Variants in RAD51D observed in about 807,000 individuals in gnomAD.
The protein encoded by RAD51D is RAD51 paralog D, also known as DNA repair protein RAD51 homolog 4.
A neutral mutation model predicts 44.1 loss-of-function variants in RAD51D; 38 were observed. That is an observed-to-expected ratio of 0.86 (90% confidence interval 0.67 to 1.13). The LOEUF (loss-of-function observed/expected upper bound fraction) is 1.13, where lower values mean the gene tolerates loss of function less well. Ranked by LOEUF, RAD51D falls within the 50% of genes most tolerant of loss-of-function variation. The pLI, the probability that RAD51D is intolerant of heterozygous loss-of-function variation, is 0.00. For missense variants in RAD51D, 390 were observed against 414.0 expected, an observed-to-expected ratio of 0.94 and a Z score of 0.50; for synonymous variants, 141 against 166.6, an observed-to-expected ratio of 0.85 and a Z score of 1.18.
At position 35,107,030 on chromosome 17, in the gene RAD51D, G is replaced by T. The variant is rs145452047; in HGVS notation, c.438C>A (p.Leu146=). 1 of 1,614,038 alleles carries T rather than the reference G, an allele frequency of 6.2e-7. No individual in the cohort carries two copies. Among genetic ancestry groups the T allele is most frequent in the Admixed American group, 1.7e-5 (1 of 60,000 alleles). The change falls in exon 5 of 10, where the codon CTC becomes CTA. Residue 146 remains leucine (L), a synonymous_variant. Transcript: ENST00000345365. ...GGGTTTTAGCCTGAAGCAGCTGGAG[G>T]AGGCGGGAAGCTGTCAGCCCTCCAT... ...DSNGGLTASR[L]LQLLQAKTQD...
At chr17:35,115,370 T>A (rs1246817941) in intron 3 of RAD51D, 7 of 483,252 alleles carry the variant, frequency 1.4e-5, no homozygotes, top group Non-Finnish European at 2.5e-5. Flanking sequence ...ATCTCCCTCA[T>A]CAACATAGCT....
In RAD51D at chr17:35,093,847, C is replaced by G. The variant is rs1289147612; in HGVS notation, c.*7106G>C. 1 of 152,324 alleles carries G rather than the reference C, an allele frequency of 6.6e-6. No homozygotes were observed. Among genetic ancestry groups the G allele is most frequent in the African/African-American group, 2.4e-5 (1 of 41,556 alleles). The allele number at this position is 152,324 out of a possible 1,614,324, so 9.4% of individuals were successfully genotyped here. On this transcript the variant is annotated 3_prime_UTR_variant, in exon 10 of 10. Transcript: ENST00000345365. ...TAACTCTAATTTAAGGTCTATGCATCACAGAGCCTTCTCCAATGCCAAACC... is the reference window on the plus strand; with the variant it reads ...TAACTCTAATTTAAGGTCTATGCATGACAGAGCCTTCTCCAATGCCAAACC...
In RAD51D at chr17:35,096,207, T is replaced by C. The variant is rs1475353040; in HGVS notation, c.*4746A>G. The C allele has an allele frequency of 6.6e-6, 1 of 152,210 alleles. No homozygotes were observed. Among genetic ancestry groups the C allele is most frequent in the East Asian group, 1.9e-4 (1 of 5,194 alleles). The allele number at this position is 152,210 out of a possible 1,614,324, so 9.4% of individuals were successfully genotyped here. On this transcript the variant is annotated 3_prime_UTR_variant, in exon 10 of 10. Coordinates refer to ENST00000345365, the MANE Select transcript of RAD51D (RefSeq NM_002878.4). ...CACCTTGTTTTCTTAATTTTTATTA[T>C]TTTATTTTATAGAGATAGGGTCTTG...
In RAD51D at chr17:35,100,471, G is replaced by A. The variant is rs1361505195; in HGVS notation, c.*482C>T. 1.9e-6 allele frequency: 1 copy of A among 535,548 alleles called. No individual in the cohort carries two copies. The highest frequency in any genetic ancestry group is 3.6e-6 in the Non-Finnish European group (1 of 277,208). 33.2% of individuals were successfully genotyped at this position (535,548 alleles called of 1,614,324 possible). ...AAGCTTATTTCCACCCAGTAACTCA[G>A]AGACAGAGCTAAGGAAGAGTGGGCC... On this transcript the variant is annotated 3_prime_UTR_variant, in exon 10 of 10. Transcript: ENST00000345365.
chr17:35,111,049 C>T lies in RAD51D; in HGVS notation c.264-3602G>A, dbSNP rs989032622. ...CCGGGAGGCGGGGGTTGCAGTGAGC[C>T]GAGATCACGCCATTGCACTCCAGTC... On this transcript the variant is annotated intron_variant, in intron 3 of 9. Coordinates refer to ENST00000345365, the MANE Select transcript of RAD51D (RefSeq NM_002878.4). Among the ~76,000 whole-genome samples, 9 of 151,164 alleles carry T rather than the reference C, an allele frequency of 6.0e-5. No homozygotes were observed. In the South Asian group the frequency reaches 1.0e-3, roughly 18 times the overall value.
intron 3 of RAD51D, among the ~76,000 whole-genome samples, chr17:35,110,743 G>A (rs754187232): frequency 2.6e-5 from 4 of 152,172 alleles, no homozygotes; most frequent in East Asian, 1.9e-4. Context: ...AGGCTGAGGC[G>A]GGAGCATTGC....
intron 3 of RAD51D, among the ~76,000 whole-genome samples, chr17:35,114,235 G>A (rs900280475): frequency 6.6e-6 from 1 of 152,006 alleles, no homozygotes; most frequent in Non-Finnish European, 1.5e-5. Flanking sequence ...TCGCGCCACT[G>A]CACCCCAGCC....
intron 3 of RAD51D, among the ~76,000 whole-genome samples, chr17:35,114,918 C>A (rs1358018713): frequency 6.6e-6 from 1 of 151,630 alleles, no homozygotes; most frequent in African/African-American, 2.4e-5. Flanking sequence ...ATGATTCTAA[C>A]GTGCAGCTGG....
At chr17:35,102,643 A>T (rs1334586397) in intron 8 of RAD51D, among the ~76,000 whole-genome samples, 1 of 151,640 alleles carries the variant, frequency 6.6e-6, no homozygotes, top group African/African-American at 2.4e-5. Flanking sequence ...GAAAAAAAAA[A>T]GAAAGAAAGA....
chr17:35,118,978 G>C, intron 2 of RAD51D, 133 bp downstream of exon 2: 4 of 808,242 alleles, frequency 4.9e-6, no homozygotes, highest in Non-Finnish European at 8.6e-6. Flanking sequence ...CCTGACTTCT[G>C]ACTCCAAGTG....
In RAD51D at chr17:35,097,731, A is replaced by C. The variant is rs1333629543; in HGVS notation, c.*3222T>G. 2.6e-5 allele frequency: 4 copies of C among 152,154 alleles called. No individual in the cohort carries two copies. The East Asian group carries it at 7.7e-4, about 29-fold the overall frequency. The allele number at this position is 152,154 out of a possible 1,614,324, so 9.4% of individuals were successfully genotyped here. A position where few individuals can be genotyped will look rare whatever the true frequency, so the allele number is the denominator to read the frequency against. ...ATTACTGAGCTTCCATAATGTATAA[A>C]GAGAAAAAGTGACAAAAAGTGGGAG... On this transcript the variant is annotated 3_prime_UTR_variant, in exon 10 of 10. Transcript: ENST00000345365.
rs1281732476 is a variant in RAD51D, at chr17:35,100,036, A to G, written c.*917T>C. ...GCCATGTATTATTTACGTCAGCATC[A>G]ATTTTCCCAGCTGGCTCTATTTACT... On this transcript the variant is annotated 3_prime_UTR_variant, in exon 10 of 10. Transcript: ENST00000345365. The G allele has an allele frequency of 3.8e-6, 2 of 531,936 alleles. No homozygotes were observed. The highest frequency in any genetic ancestry group is 3.7e-5 in the African/African-American group (2 of 53,696). The allele number at this position is 531,936 out of a possible 1,614,324, so 33.0% of individuals were successfully genotyped here.
chr17:35,118,512 A>C lies in RAD51D; in HGVS notation c.252T>G (p.Thr84=). 6.2e-7 allele frequency: 1 copy of C among 1,613,726 alleles called. No homozygotes were observed. The highest frequency in any genetic ancestry group is 8.5e-7 in the Non-Finnish European group (1 of 1,179,686). The change falls in exon 3 of 10, where the codon ACT becomes ACG. Residue 84 remains threonine (T), a synonymous_variant. Coordinates refer to ENST00000345365, the MANE Select transcript of RAD51D (RefSeq NM_002878.4). ...GTACACACACAAACCTGCCAATGCC[A>C]GTGGACAGGATGGCAGTGGAGGTCT... ...ELKTSTAILS[T]GIGSLDKLLD...
Position 35,099,631 on chromosome 17 carries a change from C to T in RAD51D, c.*1322G>A, listed in dbSNP as rs556013728. On this transcript the variant is annotated 3_prime_UTR_variant, in exon 10 of 10. Coordinates refer to ENST00000345365, the MANE Select transcript of RAD51D (RefSeq NM_002878.4). Reference sequence around the variant, plus strand: ...CCTTCCCAATCCTCCATGATTCTATCCCTGTTGCATTCATCACCTCTAAAT... The same window carrying T: ...CCTTCCCAATCCTCCATGATTCTATTCCTGTTGCATTCATCACCTCTAAAT... The T allele has an allele frequency of 2.7e-6, 1 of 368,660 alleles. No individual in the cohort carries two copies. The highest frequency in any genetic ancestry group is 2.2e-5 in the South Asian group (1 of 45,516). The allele number at this position is 368,660 out of a possible 1,614,324, so 22.8% of individuals were successfully genotyped here. A position where few individuals can be genotyped will look rare whatever the true frequency, so the allele number is the denominator to read the frequency against.
intron 2 of RAD51D, 114 bp downstream of exon 2, chr17:35,118,997 G>T (rs551265480): frequency 2.1e-6 from 2 of 973,488 alleles, no homozygotes; most frequent in Non-Finnish European, 3.3e-6. Flanking sequence ...TGACCCACCC[G>T]CCTCGGCCTC....
At position 35,094,184 on chromosome 17, in the gene RAD51D, T is replaced by G. The variant is rs1393404277; in HGVS notation, c.*6769A>C. On this transcript the variant is annotated 3_prime_UTR_variant, in exon 10 of 10. Coordinates refer to ENST00000345365, the MANE Select transcript of RAD51D (RefSeq NM_002878.4). ...TAGTGTGATCTTGGCTCACTGCAAC[T>G]TCCACCACCCGGGTTCAAGCGATTC... The G allele has an allele frequency of 6.6e-6, 1 of 152,150 alleles. No individual in the cohort carries two copies. The highest frequency in any genetic ancestry group is 2.4e-5 in the African/African-American group (1 of 41,406). 9.4% of individuals were successfully genotyped at this position (152,150 alleles called of 1,614,324 possible). A position where few individuals can be genotyped will look rare whatever the true frequency, so the allele number is the denominator to read the frequency against.
chr17:35,111,356 A>G (rs1277847591), intron 3 of RAD51D, among the ~76,000 whole-genome samples: 1 of 20,800 alleles, frequency 4.8e-5, no homozygotes, highest in African/African-American at 1.0e-3. Flanking sequence ...CTCCATCTCA[A>G]AAAAAAAAAA....
In RAD51D at chr17:35,103,628, T is replaced by A; in HGVS notation, c.577-84A>T. 1 of 989,320 alleles carries A rather than the reference T, an allele frequency of 1.0e-6. No individual in the cohort carries two copies. The highest frequency in any genetic ancestry group is 1.6e-6 in the Non-Finnish European group (1 of 633,288). 61.3% of individuals were successfully genotyped at this position (989,320 alleles called of 1,614,324 possible). ...ACAAGCTTGCTTTTCTATCTAAAAC[T>A]AGTAAGAAATAGCCCCCCCATCCCA... On this transcript the variant is annotated intron_variant, in intron 6 of 9. Coordinates refer to ENST00000345365, the MANE Select transcript of RAD51D (RefSeq NM_002878.4). The surrounding 1 kb of genome is among the most constrained non-coding windows in gnomAD (Gnocchi z 4.1).
chr17:35,107,384 T>TG lies in RAD51D; in HGVS notation c.326dup (p.Gly110ArgfsTer2), dbSNP rs730882119. On this transcript the variant is annotated frameshift_variant, in exon 4 of 10. Coordinates refer to ENST00000345365, the MANE Select transcript of RAD51D (RefSeq NM_002878.4). LOFTEE classifies it high-confidence loss of function. ...CATGTACCTGAGTTTTGCCGCTACC[T>TG]GGGCCTCCTACAATTTCAGTCACTT... The TG allele has an allele frequency of 2.6e-6, 4 of 1,561,028 alleles. No individual in the cohort carries two copies. In the African/African-American group the frequency reaches 5.4e-5, roughly 21 times the overall value.
Sources: allele counts gnomAD v4.1 joint callset (sites outside exome capture counted in the v4.1 genomes callset), GRCh38; gene constraint gnomAD v4.1.1; non-coding constraint Gnocchi (gnomAD v3.1); transcripts MANE v1.5; gene names NCBI Gene and HGNC (gene_info 2026-07-23, HGNC 2026-07-21).